The following LOC128462377 variants were observed in gnomAD, a reference collection of about 807,000 sequenced individuals.
At chr16:89,342,165 G>C in the LOC128462377 span, among the ~76,000 whole-genome samples, 9 of 152,214 alleles carry the variant, frequency 5.9e-5, no homozygotes, top group African/African-American at 2.2e-4. Context: ...TTGGCGTCTG[G>C]GCCTCAAAGC....
chr16:89,324,119 C>A, the LOC128462377 span: 1 of 690,992 alleles, frequency 1.4e-6, no homozygotes, highest in Non-Finnish European at 2.0e-6. Context: ...CAAAGTGCCC[C>A]ACGGCACAAC....
the LOC128462377 span, chr16:89,373,431 C>G: frequency 6.6e-6 from 1 of 152,598 alleles, no homozygotes; most frequent in Admixed American, 6.5e-5. Flanking sequence ...CCAGGCCACC[C>G]TCTCCAGCCA....
the LOC128462377 span, among the ~76,000 whole-genome samples, chr16:89,402,307 C>T: frequency 6.6e-6 from 1 of 152,132 alleles, no homozygotes; most frequent in Non-Finnish European, 1.5e-5. Context: ...CTCAGCGATA[C>T]TAATGTACAG....
At chr16:89,319,306 T>A in the LOC128462377 span, among the ~76,000 whole-genome samples, 1 of 152,210 alleles carries the variant, frequency 6.6e-6, no homozygotes, top group African/African-American at 2.4e-5. Flanking sequence ...TTCATGTCCC[T>A]AGCTTGGTGC....
the LOC128462377 span, among the ~76,000 whole-genome samples, chr16:89,347,607 T>TTA: frequency 2.4e-5 from 3 of 127,352 alleles, no homozygotes; most frequent in Middle Eastern, 4.0e-3. Context: ...CGAGACTCCG[T>TTA]AAAAAAAAAA....
chr16:89,393,317 T>A, the LOC128462377 span, among the ~76,000 whole-genome samples: 25 of 149,882 alleles, frequency 1.7e-4, no homozygotes, highest in African/African-American at 5.0e-4. Flanking sequence ...TATTTTTATT[T>A]TTTTTTTTTT....
chr16:89,414,641 G>A, the LOC128462377 span, among the ~76,000 whole-genome samples: 18 of 152,302 alleles, frequency 1.2e-4, no homozygotes, highest in African/African-American at 3.1e-4. Flanking sequence ...ACTGAGGCTC[G>A]GAGAGTGGAA....
At chr16:89,393,261 C>A in the LOC128462377 span, among the ~76,000 whole-genome samples, 2 of 152,030 alleles carry the variant, frequency 1.3e-5, no homozygotes, top group African/African-American at 4.8e-5. Context: ...CCAAGAGAGT[C>A]CACTGTACAC....
chr16:89,338,910 AT>A, the LOC128462377 span, among the ~76,000 whole-genome samples: 1 of 152,158 alleles, frequency 6.6e-6, no homozygotes, highest in Non-Finnish European at 1.5e-5. Context: ...TAACAAAAAA[AT>A]CACCCAGATA....
At chr16:89,328,638 G>A in the LOC128462377 span, among the ~76,000 whole-genome samples, 4 of 150,600 alleles carry the variant, frequency 2.7e-5, no homozygotes, top group African/African-American at 7.4e-5. Context: ...ACACCCAGGA[G>A]CACGGGCGAA....
chr16:89,414,036 C>T, the LOC128462377 span, among the ~76,000 whole-genome samples: 1 of 149,404 alleles, frequency 6.7e-6, no homozygotes, highest in African/African-American at 2.5e-5. Flanking sequence ...GCCTGCACAC[C>T]CTCCGCCACG....
chr16:89,368,388 T>G, the LOC128462377 span, among the ~76,000 whole-genome samples: 4,120 of 135,990 alleles, frequency 0.03, 167 homozygotes, highest in African/African-American at 0.082. Context: ...TTTTTTTTTT[T>G]TTTTTTTTTT....
the LOC128462377 span, among the ~76,000 whole-genome samples, chr16:89,391,287 A>G: frequency 6.6e-6 from 1 of 151,382 alleles, no homozygotes; most frequent in Admixed American, 6.6e-5. Context: ...CCCCAGATTC[A>G]GGGCAGGTCG....
the LOC128462377 span, among the ~76,000 whole-genome samples, chr16:89,362,767 G>C: frequency 6.6e-6 from 1 of 152,140 alleles, no homozygotes; most frequent in Non-Finnish European, 1.5e-5. Flanking sequence ...CAAGCATTAG[G>C]TCACGGCCTG....
the LOC128462377 span, among the ~76,000 whole-genome samples, chr16:89,384,495 A>G: frequency 6.6e-6 from 1 of 151,016 alleles, no homozygotes; most frequent in African/African-American, 2.4e-5. Flanking sequence ...GACGAGATGG[A>G]AATGGGACAG....
the LOC128462377 span, among the ~76,000 whole-genome samples, chr16:89,376,217 A>G: frequency 6.6e-6 from 1 of 152,238 alleles, no homozygotes; most frequent in East Asian, 1.9e-4. Flanking sequence ...GTCTGATTCC[A>G]GAAAAGTGAA....
chr16:89,406,256 C>A, the LOC128462377 span, among the ~76,000 whole-genome samples: 1 of 152,168 alleles, frequency 6.6e-6, no homozygotes, highest in South Asian at 2.1e-4. Context: ...TCGGCACCCA[C>A]ACGTGCTGGT....
chr16:89,343,332 A>G, the LOC128462377 span, among the ~76,000 whole-genome samples: 1 of 152,220 alleles, frequency 6.6e-6, no homozygotes, highest in African/African-American at 2.4e-5. Context: ...TGTTCCCAAA[A>G]ACAGAAAAAT....
chr16:89,335,923 G>A, the LOC128462377 span, among the ~76,000 whole-genome samples: 1 of 152,224 alleles, frequency 6.6e-6, no homozygotes, highest in African/African-American at 2.4e-5. Flanking sequence ...ACCCCTGCCT[G>A]TGCTGAGGCA....
Sources: allele counts gnomAD v4.1 joint callset (sites outside exome capture counted in the v4.1 genomes callset), GRCh38; gene constraint gnomAD v4.1.1; transcripts MANE v1.5.